Variants in HS3ST4 observed in about 807,000 individuals in gnomAD.
The protein encoded by HS3ST4 is heparan sulfate-glucosamine 3-sulfotransferase 4.
A neutral mutation model predicts 29.2 loss-of-function variants in HS3ST4; 17 were observed. The observed-to-expected ratio is 0.58, with a 90% CI of 0.40 to 0.87. The LOEUF (loss-of-function observed/expected upper bound fraction) is 0.87, where lower values mean the gene tolerates loss of function less well. Ranked by LOEUF, HS3ST4 falls within the 40% of genes least tolerant of loss-of-function variation. The probability of loss-of-function intolerance (pLI) is 0.00; values close to 1 mark genes in which losing one functional copy is unlikely to be tolerated. For synonymous variants in HS3ST4, 314 were observed against 285.7 expected, an observed-to-expected ratio of 1.10 and a Z score of -1.00; for missense variants, 627 against 634.5, an observed-to-expected ratio of 0.99 and a Z score of 0.13.
intron 1 of HS3ST4, among the ~76,000 whole-genome samples, chr16:25,736,484 G>A (rs975989129): frequency 2.6e-5 from 4 of 152,084 alleles, no homozygotes; most frequent in Non-Finnish European, 5.9e-5. Flanking sequence ...AGATTTCCTC[G>A]AATCTGTAAG....
At position 26,039,422 on chromosome 16, in the gene HS3ST4, G is replaced by A. The variant is rs113490095; in HGVS notation, c.735-96190G>A. Among the ~76,000 whole-genome samples, 526 of 152,076 alleles carry A rather than the reference G, an allele frequency of 3.5e-3. 2 individuals are homozygous for A. Among genetic ancestry groups the A allele is most frequent in the African/African-American group, 0.012 (507 of 41,484 alleles). On this transcript the variant is annotated intron_variant, in intron 1 of 1. Transcript: ENST00000331351. ...TTGCAGCTTCTCCATGAAATACTTTGGACAACTGTCCATTTTATTTTATTT... is the reference window on the plus strand; with the variant it reads ...TTGCAGCTTCTCCATGAAATACTTTAGACAACTGTCCATTTTATTTTATTT...
chr16:26,103,924 G>A (rs1238130371), intron 1 of HS3ST4, among the ~76,000 whole-genome samples: 1 of 152,142 alleles, frequency 6.6e-6, no homozygotes, highest in Non-Finnish European at 1.5e-5. Flanking sequence ...CATATATTGT[G>A]AAAATTCAAT....
intron 1 of HS3ST4, among the ~76,000 whole-genome samples, chr16:25,783,722 A>G (rs1966854740): frequency 6.6e-6 from 1 of 152,256 alleles, no homozygotes; most frequent in South Asian, 2.1e-4. Context: ...TAAATTTACC[A>G]TTTAAATCAT....
chr16:25,709,415 G>A (rs1966400989), intron 1 of HS3ST4, among the ~76,000 whole-genome samples: 1 of 152,116 alleles, frequency 6.6e-6, no homozygotes, highest in African/African-American at 2.4e-5. Context: ...TTCCCTGGAG[G>A]CCCCTGGATC....
intron 1 of HS3ST4, among the ~76,000 whole-genome samples, chr16:26,038,688 A>G (rs1596659202): frequency 1.3e-5 from 2 of 150,724 alleles, no homozygotes; most frequent in African/African-American, 4.9e-5. Flanking sequence ...GTATGTATGT[A>G]TTTATTTTTG....
At chr16:25,811,495 A>G (rs1967041843) in intron 1 of HS3ST4, among the ~76,000 whole-genome samples, 1 of 132,842 alleles carries the variant, frequency 7.5e-6, no homozygotes. Context: ...GTGCAATGTC[A>G]CGATCTCGGC....
intron 1 of HS3ST4, among the ~76,000 whole-genome samples, chr16:25,939,037 A>G (rs1300648331): frequency 6.6e-6 from 1 of 152,206 alleles, no homozygotes; most frequent in Non-Finnish European, 1.5e-5. Flanking sequence ...GGCTGAATGC[A>G]TAAATTTGGC....
intron 1 of HS3ST4, among the ~76,000 whole-genome samples, chr16:25,771,446 T>C (rs942603156): frequency 6.6e-6 from 1 of 152,048 alleles, no homozygotes; most frequent in Non-Finnish European, 1.5e-5. Flanking sequence ...TGCTAAGTGA[T>C]TTCCTACCCC....
intron 1 of HS3ST4, among the ~76,000 whole-genome samples, chr16:25,696,425 C>G (rs1049832851): frequency 1.3e-5 from 2 of 152,096 alleles, no homozygotes; most frequent in African/African-American, 4.8e-5. Context: ...GCAGAGCATA[C>G]GGTAACCATG....
chr16:25,714,354 G>A (rs921209331), intron 1 of HS3ST4, among the ~76,000 whole-genome samples: 2 of 152,188 alleles, frequency 1.3e-5, no homozygotes, highest in African/African-American at 4.8e-5. Context: ...AGATTAAGAT[G>A]TGGTCATTGA....
intron 1 of HS3ST4, among the ~76,000 whole-genome samples, chr16:26,086,175 C>T (rs187795996): frequency 2.0e-5 from 3 of 152,204 alleles, no homozygotes; most frequent in East Asian, 1.9e-4. Context: ...CTCTCCATTG[C>T]TCTATTTATG....
chr16:25,989,016 GCTCCA>G (rs1365605039), intron 1 of HS3ST4, among the ~76,000 whole-genome samples: 1 of 152,168 alleles, frequency 6.6e-6, no homozygotes. Context: ...CAGAATGAAA[GCTCCA>G]CTGGTATGGT....
chr16:26,107,067 T>C (rs1899066995), intron 1 of HS3ST4, among the ~76,000 whole-genome samples: 2 of 152,136 alleles, frequency 1.3e-5, no homozygotes, highest in Non-Finnish European at 2.9e-5. Context: ...TTAGTTATTC[T>C]CTGTTCTGAT....
chr16:25,829,756 C>T (rs1967274444), intron 1 of HS3ST4, among the ~76,000 whole-genome samples: 1 of 151,908 alleles, frequency 6.6e-6, no homozygotes, highest in African/African-American at 2.4e-5. Context: ...TGAGCTCATT[C>T]TTTTTTATGA....
intron 1 of HS3ST4, among the ~76,000 whole-genome samples, chr16:26,089,961 G>C (rs906586467): frequency 6.6e-6 from 1 of 152,110 alleles, no homozygotes; most frequent in Non-Finnish European, 1.5e-5. Flanking sequence ...CAGTTGACCT[G>C]ACACCAGGCT....
chr16:25,992,355 T>C (rs774631793), intron 1 of HS3ST4, among the ~76,000 whole-genome samples: 1 of 152,212 alleles, frequency 6.6e-6, no homozygotes, highest in Non-Finnish European at 1.5e-5. Flanking sequence ...ACATGGATGA[T>C]GTCCAGCAAT....
intron 1 of HS3ST4, among the ~76,000 whole-genome samples, chr16:25,997,566 C>A (rs1969168289): frequency 6.6e-6 from 1 of 152,186 alleles, no homozygotes; most frequent in South Asian, 2.1e-4. Flanking sequence ...GATAATTTTT[C>A]ACTGGCTTCA....
At chr16:26,090,515 T>C (rs1453828187) in intron 1 of HS3ST4, among the ~76,000 whole-genome samples, 1 of 151,708 alleles carries the variant, frequency 6.6e-6, no homozygotes, top group African/African-American at 2.4e-5. Context: ...AAATTTCCCA[T>C]GGGAGTGGGC....
intron 1 of HS3ST4, among the ~76,000 whole-genome samples, chr16:26,009,182 G>A (rs898700672): frequency 6.6e-6 from 1 of 152,096 alleles, no homozygotes; most frequent in South Asian, 2.1e-4. Flanking sequence ...AATTCCTCAG[G>A]GAAGTCTTCT....
Sources: allele counts gnomAD v4.1 joint callset (sites outside exome capture counted in the v4.1 genomes callset), GRCh38; gene constraint gnomAD v4.1.1; transcripts MANE v1.5; gene names NCBI Gene and HGNC (gene_info 2026-07-23, HGNC 2026-07-21).